The following SFMBT1 variants were observed in gnomAD, a reference collection of about 807,000 sequenced individuals.
SFMBT1 encodes Scm like with four mbt domains 1.
SFMBT1 carries 32 observed loss-of-function variants against 108.7 expected under a neutral mutation model. The observed-to-expected ratio is 0.29, with a 90% confidence interval of 0.22 to 0.40. The LOEUF is 0.40. Ranked by LOEUF, SFMBT1 falls within the 10% of genes least tolerant of loss-of-function variation. The pLI is 1.00. For synonymous variants in SFMBT1, 348 were observed against 369.5 expected (o/e 0.94, Z 0.67); for missense variants, 816 against 1,059.6 (o/e 0.77, Z 3.19).
At chr3:53,008,109 C>T (rs1316639379) in intron 1 of SFMBT1, among the ~76,000 whole-genome samples, 1 of 150,190 alleles carries the variant, frequency 6.7e-6, no homozygotes, top group Non-Finnish European at 1.5e-5. Context: ...GCTGGAAGGT[C>T]TTTATTGGGA....
Position 52,909,512 on chromosome 3 carries a change from G to C in SFMBT1, c.1906+1491C>G, listed in dbSNP as rs71299625. Among the ~76,000 whole-genome samples, 290 of 152,258 alleles carry C rather than the reference G, an allele frequency of 1.9e-3. 2 individuals are homozygous for C. Among genetic ancestry groups the C allele is most frequent in the Non-Finnish European group, 4.7e-4 (32 of 68,024 alleles). ...ACTAAGTATGGACCTTGGATCAATAGCATCAGTGGCATCTGGGAACTTGTT... is the reference window on the plus strand; with the variant it reads ...ACTAAGTATGGACCTTGGATCAATACCATCAGTGGCATCTGGGAACTTGTT... On this transcript the variant is annotated intron_variant, in intron 17 of 20. Coordinates refer to ENST00000394752, the MANE Select transcript of SFMBT1 (RefSeq NM_016329.4).
At chr3:53,006,493 T>C (rs753746430) in intron 1 of SFMBT1, among the ~76,000 whole-genome samples, 3 of 151,950 alleles carry the variant, frequency 2.0e-5, no homozygotes, top group Non-Finnish European at 2.9e-5. Flanking sequence ...GCCGGGCGTG[T>C]TGGCACGTGC....
At chr3:52,977,792 CA>C (rs1326608953) in intron 1 of SFMBT1, among the ~76,000 whole-genome samples, 1 of 152,040 alleles carries the variant, frequency 6.6e-6, no homozygotes, top group Non-Finnish European at 1.5e-5. Flanking sequence ...AGAATACATC[CA>C]AATCATTAAC....
chr3:52,966,574 G>A (rs1239811092), intron 2 of SFMBT1, among the ~76,000 whole-genome samples: 5 of 129,812 alleles, frequency 3.9e-5, no homozygotes, highest in Non-Finnish European at 7.7e-5. Context: ...GCAGTGAGCC[G>A]AGATCACGCC....
At chr3:52,950,639 TA>T (rs1703543673) in intron 3 of SFMBT1, among the ~76,000 whole-genome samples, 1 of 152,120 alleles carries the variant, frequency 6.6e-6, no homozygotes, top group African/African-American at 2.4e-5. Flanking sequence ...CATGCCTGTC[TA>T]ATTTTTGTAT....
At chr3:52,998,208 C>T (rs931923981) in intron 1 of SFMBT1, among the ~76,000 whole-genome samples, 110 of 149,862 alleles carry the variant, frequency 7.3e-4, no homozygotes, top group African/African-American at 2.6e-3. Flanking sequence ...GAGGCCAACA[C>T]GGAGAAACCC....
Position 53,022,914 on chromosome 3 carries a change from C to A in SFMBT1, c.-131+22902G>T, listed in dbSNP as rs559982488. On this transcript the variant is annotated intron_variant, in intron 1 of 20. Coordinates refer to ENST00000394752, the MANE Select transcript of SFMBT1 (RefSeq NM_016329.4). ...ACTTAAAAGCAGTTAAGATGGTAAG[C>A]TTTATGAATGCATTTAATACCACTA... Among the ~76,000 whole-genome samples the A allele has an allele frequency of 7.2e-5, 11 of 152,194 alleles. No individual in the cohort carries two copies. The South Asian group carries it at 2.3e-3, about 32-fold the overall frequency.
Position 52,932,110 on chromosome 3 carries a change from G to T in SFMBT1, c.652C>A (p.His218Asn). ...CCCTGTTGAGCAGCCCAACCAACGT[G>T]ATGAAGAAATGGATCCAAGTAATAC... ...WLYYLDPFLH[H>N]VGWAAQQGYE... Residue 218 changes from histidine to asparagine, a missense_variant, in exon 6 of 21, where the codon CAC (histidine) becomes AAC (asparagine). Physicochemically the swap from His to Asn is moderately conservative, Grantham distance 68. Transcript: ENST00000394752. 7 of 1,614,160 alleles carry T rather than the reference G, an allele frequency of 4.3e-6. No individual in the cohort carries two copies. The highest frequency in any genetic ancestry group is 5.9e-6 in the Non-Finnish European group (7 of 1,180,036).
In SFMBT1 at chr3:52,935,047, C is replaced by G; in HGVS notation, c.365-146G>C. Reference sequence around the variant, plus strand: ...TGCTTGAGAGCTTGAAAAGATAAAACAAAATAAAACCAAAAATGCTTCTCT... The same window carrying G: ...TGCTTGAGAGCTTGAAAAGATAAAAGAAAATAAAACCAAAAATGCTTCTCT... On this transcript the variant is annotated intron_variant, in intron 4 of 20. Coordinates refer to ENST00000394752, the MANE Select transcript of SFMBT1 (RefSeq NM_016329.4). 3 of 628,010 alleles carry G rather than the reference C, an allele frequency of 4.8e-6. No homozygotes were observed. In the South Asian group the frequency reaches 6.2e-5, roughly 13 times the overall value. The allele number at this position is 628,010 out of a possible 1,614,324, so 38.9% of individuals were successfully genotyped here. A position where few individuals can be genotyped will look rare whatever the true frequency, so the allele number is the denominator to read the frequency against.
In SFMBT1 at chr3:53,000,212, C is replaced by T. The variant is rs1042057183; in HGVS notation, c.-130-30954G>A. On this transcript the variant is annotated intron_variant, in intron 1 of 20. Transcript: ENST00000394752. ...ATTTACTCACTGCTTTAAGCATACA[C>T]GACACTTCGGTTTTATTCCTCCCTT... Among the ~76,000 whole-genome samples, 53 of 148,236 alleles carry T rather than the reference C, an allele frequency of 3.6e-4. 1 individual carries two copies. Among genetic ancestry groups the T allele is most frequent in the African/African-American group, 1.2e-3 (48 of 40,978 alleles).
chr3:52,997,135 C>G (rs541648253), intron 1 of SFMBT1, among the ~76,000 whole-genome samples: 8 of 149,904 alleles, frequency 5.3e-5, no homozygotes, highest in African/African-American at 1.9e-4. Flanking sequence ...CAAGCAATTC[C>G]ACTCTTGAGG....
chr3:52,948,706 C>T (rs1207675545), intron 3 of SFMBT1, among the ~76,000 whole-genome samples: 1 of 150,996 alleles, frequency 6.6e-6, no homozygotes, highest in South Asian at 2.1e-4. Context: ...GGCTGATGTA[C>T]AGCGGCACAA....
intron 2 of SFMBT1, among the ~76,000 whole-genome samples, chr3:52,962,723 G>A (rs540129773): frequency 1.4e-5 from 2 of 146,288 alleles, no homozygotes; most frequent in African/African-American, 2.5e-5. Flanking sequence ...CATGAGAATC[G>A]TTTGAACCCA....
At chr3:52,908,235 G>A (rs934760754) in intron 17 of SFMBT1, among the ~76,000 whole-genome samples, 5 of 151,476 alleles carry the variant, frequency 3.3e-5, no homozygotes, top group Admixed American at 2.6e-4. Context: ...CACCATGCCC[G>A]GCTAATTTTT....
chr3:53,034,238 A>G (rs1699790793), intron 1 of SFMBT1, among the ~76,000 whole-genome samples: 1 of 152,230 alleles, frequency 6.6e-6, no homozygotes. Flanking sequence ...TTTAAAATGT[A>G]ATAATACTTT....
intron 4 of SFMBT1, among the ~76,000 whole-genome samples, chr3:52,942,600 C>T (rs1703221911): frequency 6.6e-6 from 1 of 152,216 alleles, no homozygotes; most frequent in South Asian, 2.1e-4. Flanking sequence ...GCAACGGCCG[C>T]CTCCTGGGTT....
chr3:52,936,416 T>C (rs927908444), intron 4 of SFMBT1, among the ~76,000 whole-genome samples: 7 of 152,234 alleles, frequency 4.6e-5, no homozygotes, highest in Non-Finnish European at 1.0e-4. Flanking sequence ...ATGAGGGTTT[T>C]GTTTCAAAAT....
Position 52,998,285 on chromosome 3 carries a change from C to T in SFMBT1, c.-130-29027G>A, listed in dbSNP as rs569520737. ...CGGGCGCCTGTAGTCCCAGCTACTC[C>T]GGAGGCTGAGGCAGGAGAATGGCAT... On this transcript the variant is annotated intron_variant, in intron 1 of 20. Transcript: ENST00000394752. Among the ~76,000 whole-genome samples the T allele has an allele frequency of 2.4e-3, 352 of 149,544 alleles. 10 individuals carry two copies. Among genetic ancestry groups the T allele is most frequent in the African/African-American group, 7.4e-3 (306 of 41,224 alleles).
At chr3:52,963,050 G>C (rs1704017520) in intron 2 of SFMBT1, among the ~76,000 whole-genome samples, 1 of 151,892 alleles carries the variant, frequency 6.6e-6, no homozygotes, top group African/African-American at 2.4e-5. Context: ...CTGGAATGTG[G>C]TGGTGCGATC....
Sources: allele counts gnomAD v4.1 joint callset (sites outside exome capture counted in the v4.1 genomes callset), GRCh38; gene constraint gnomAD v4.1.1; transcripts MANE v1.5; gene names NCBI Gene and HGNC (gene_info 2026-07-23, HGNC 2026-07-21).